Variants in CTNNA2 observed in about 807,000 individuals in gnomAD.
CTNNA2 encodes the protein catenin alpha-2.
CTNNA2 carries 42 observed loss-of-function variants against 101.0 expected under a neutral mutation model. That is an observed-to-expected ratio of 0.42 (90% CI 0.32 to 0.54). The LOEUF (loss-of-function observed/expected upper bound fraction) is 0.54, where lower values mean the gene tolerates loss of function less well. CTNNA2 is among the 20% of genes least tolerant of loss of function. The pLI, the probability that CTNNA2 is intolerant of heterozygous loss-of-function variation, is 0.14. For synonymous variants in CTNNA2, 450 were observed against 456.4 expected (o/e 0.99, Z 0.18); for missense variants, 871 against 1,223.1 (o/e 0.71, Z 4.29).
intron 2 of CTNNA2, among the ~76,000 whole-genome samples, chr2:79,709,311 A>G (rs1685590264): frequency 6.6e-6 from 1 of 152,162 alleles, no homozygotes; most frequent in African/African-American, 2.4e-5. Flanking sequence ...TAAAATTACT[A>G]TGAAAAGAGA....
intron 4 of CTNNA2, among the ~76,000 whole-genome samples, chr2:79,416,627 A>G (rs1464006668): frequency 3.9e-5 from 6 of 152,248 alleles, no homozygotes; most frequent in Non-Finnish European, 5.9e-5. Context: ...TAAGCTTAAT[A>G]TAAAAACTCA....
intron 7 of CTNNA2, among the ~76,000 whole-genome samples, chr2:80,187,607 CT>C (rs1404794922): frequency 1.3e-5 from 2 of 152,092 alleles, no homozygotes; most frequent in East Asian, 3.9e-4. Flanking sequence ...AAAGTAAGGC[CT>C]TGGGCTACCA....
At chr2:79,257,252 C>T (rs994555287) in intron 2 of CTNNA2, among the ~76,000 whole-genome samples, 2 of 152,058 alleles carry the variant, frequency 1.3e-5, no homozygotes, top group Admixed American at 1.3e-4. Context: ...CCTGATGCAA[C>T]TAGATGCCAC....
At chr2:80,600,814 C>T (rs1394834972) in intron 15 of CTNNA2, among the ~76,000 whole-genome samples, 2 of 152,128 alleles carry the variant, frequency 1.3e-5, no homozygotes, top group Non-Finnish European at 2.9e-5. Context: ...GGCAAGTGAT[C>T]TACCAGCCTC....
At chr2:80,560,188 C>T (rs77465810) in intron 12 of CTNNA2, among the ~76,000 whole-genome samples, 1,781 of 152,032 alleles carry the variant, frequency 0.012, 33 homozygotes, top group African/African-American at 0.041. Flanking sequence ...TTTTTACTTC[C>T]ATGCTCTATA....
intron 7 of CTNNA2, among the ~76,000 whole-genome samples, chr2:80,356,427 T>G (rs1388726319): frequency 3.9e-5 from 6 of 152,256 alleles, no homozygotes; most frequent in African/African-American, 1.4e-4. Context: ...AACTCAGTTA[T>G]AAAAGAGTGG....
intron 4 of CTNNA2, chr2:79,493,650 G>A (rs1382272549): frequency 6.6e-6 from 1 of 152,120 alleles, no homozygotes; most frequent in Admixed American, 6.5e-5. Context: ...TCCTGGAATT[G>A]GGTTTTGATT....
chr2:79,244,866 G>A (rs1037447121), intron 2 of CTNNA2, among the ~76,000 whole-genome samples: 29 of 152,208 alleles, frequency 1.9e-4, no homozygotes, highest in Admixed American at 1.4e-3. Context: ...AGGCTGAGGC[G>A]GGTGGATCAC....
chr2:79,631,274 T>C (rs1406595431), intron 1 of CTNNA2, among the ~76,000 whole-genome samples: 1 of 152,200 alleles, frequency 6.6e-6, no homozygotes, highest in African/African-American at 2.4e-5. Flanking sequence ...TGTAGTCCTG[T>C]ATGTAATCTC....
At chr2:80,101,851 G>A (rs1277113928) in intron 7 of CTNNA2, among the ~76,000 whole-genome samples, 1 of 152,082 alleles carries the variant, frequency 6.6e-6, no homozygotes, top group Non-Finnish European at 1.5e-5. Context: ...AAATATGTTG[G>A]TTCACTTCCT....
intron 18 of CTNNA2, among the ~76,000 whole-genome samples, chr2:80,644,960 A>G (rs1315206972): frequency 1.3e-5 from 2 of 152,158 alleles, no homozygotes; most frequent in African/African-American, 2.4e-5. Context: ...AACACCATCT[A>G]TTTGAAAATG....
intron 7 of CTNNA2, among the ~76,000 whole-genome samples, chr2:80,380,561 G>A (rs963957325): frequency 1.3e-5 from 2 of 152,192 alleles, no homozygotes; most frequent in African/African-American, 4.8e-5. Context: ...ATCCAGTGAA[G>A]TGTGAGATAT....
At chr2:79,571,624 C>A (rs1378165000) in intron 1 of CTNNA2, among the ~76,000 whole-genome samples, 4 of 151,988 alleles carry the variant, frequency 2.6e-5, no homozygotes, top group Admixed American at 6.6e-5. Flanking sequence ...ACTAAAATTC[C>A]AAAAACACTT....
chr2:80,462,242 T>C (rs1684488324), intron 9 of CTNNA2, among the ~76,000 whole-genome samples: 1 of 152,232 alleles, frequency 6.6e-6, no homozygotes, highest in African/African-American at 2.4e-5. Flanking sequence ...GCTACTGAAG[T>C]TGCTTTTCTA....
chr2:79,344,930 G>A (rs559452574), intron 3 of CTNNA2, among the ~76,000 whole-genome samples: 2 of 148,038 alleles, frequency 1.4e-5, no homozygotes, highest in Non-Finnish European at 3.0e-5. Flanking sequence ...AAGAAAGATA[G>A]TGTATGTAAA....
In CTNNA2 at chr2:80,302,596, A is replaced by G. The variant is rs113974260; in HGVS notation, c.1057-90615A>G. On this transcript the variant is annotated intron_variant, in intron 7 of 18. Coordinates refer to ENST00000402739, the MANE Select transcript of CTNNA2 (RefSeq NM_001282597.3). The surrounding 1 kb of genome is among the most constrained non-coding windows in gnomAD (Gnocchi z 6.4). ...CGCCGCCTGGAAGAGCCACGGTGGC[A>G]GGCTCGAATGTGCCGTCGTGCTGCC... is the stretch of plus-strand genomic sequence containing the variant. 4.3e-4 allele frequency: 684 copies of G among 1,606,566 alleles called. 5 individuals carry two copies. The African/African-American group carries it at 8.2e-3, about 19-fold the overall frequency.
chr2:80,062,862 C>T (rs1697700334), intron 7 of CTNNA2, among the ~76,000 whole-genome samples: 1 of 152,104 alleles, frequency 6.6e-6, no homozygotes, highest in Admixed American at 6.5e-5. Context: ...CCCGCCACCA[C>T]ACCTGGCTAA....
At chr2:79,355,699 G>A (rs6754130) in intron 3 of CTNNA2, among the ~76,000 whole-genome samples, 45,082 of 152,014 alleles carry the variant, frequency 0.3, 6,821 homozygotes, top group Middle Eastern at 0.44. Flanking sequence ...CATAGAATAC[G>A]TATCCTTTTA....
chr2:79,643,601 A>G (rs1412521985), intron 1 of CTNNA2, among the ~76,000 whole-genome samples: 1 of 152,188 alleles, frequency 6.6e-6, no homozygotes, highest in East Asian at 1.9e-4. Context: ...CCACAAACTT[A>G]GTATGTGGTA....
Sources: allele counts gnomAD v4.1 joint callset (sites outside exome capture counted in the v4.1 genomes callset), GRCh38; gene constraint gnomAD v4.1.1; non-coding constraint Gnocchi (gnomAD v3.1); transcripts MANE v1.5; gene names NCBI Gene and HGNC (gene_info 2026-07-23, HGNC 2026-07-21).